FAM193B: variants seen among roughly 807,000 people sequenced by gnomAD.
The protein encoded by FAM193B is family with sequence similarity 193 member B.
Under a neutral mutation model 70.7 loss-of-function variants are expected in FAM193B, and 27 were observed. The observed-to-expected ratio is 0.38, with a 90% CI of 0.28 to 0.53. FAM193B has a LOEUF of 0.53. FAM193B is among the 20% of genes least tolerant of loss of function. The probability of loss-of-function intolerance (pLI) is 0.81; values close to 1 mark genes in which losing one functional copy is unlikely to be tolerated. For synonymous variants in FAM193B, 448 were observed against 436.0 expected (o/e 1.03, Z -0.34); for missense variants, 1,022 against 1,072.5 (o/e 0.95, Z 0.66).
chr5:177,549,612 T>C (rs1448436545), intron 1 of FAM193B, among the ~76,000 whole-genome samples: 2 of 152,252 alleles, frequency 1.3e-5, no homozygotes, highest in Admixed American at 6.5e-5. Context: ...TATCTCCTTC[T>C]AGCATTACTG....
intron 5 of FAM193B, 61 bp from the exon 6 acceptor site, chr5:177,525,266 C>G: frequency 7.3e-7 from 1 of 1,374,260 alleles, no homozygotes; most frequent in Non-Finnish European, 9.5e-7. Flanking sequence ...AATGTGATAC[C>G]TGACCCATCA....
Position 177,531,859 on chromosome 5 carries a change from T to TA in FAM193B, c.1275+583dup, listed in dbSNP as rs1240994378. 8.5e-6 allele frequency: 10 copies of TA among 1,170,780 alleles called. No individual in the cohort carries two copies. In the Admixed American group the frequency reaches 1.1e-4, roughly 13 times the overall value. The allele number at this position is 1,170,780 out of a possible 1,614,324, so 72.5% of individuals were successfully genotyped here. A position where few individuals can be genotyped will look rare whatever the true frequency, so the allele number is the denominator to read the frequency against. ...TTTGTCATCTCTAAAATGAGGATAA[T>TA]AACCCCTAGCTCAAAGGTGACTAGC... On this transcript the variant is annotated intron_variant, in intron 5 of 8. Coordinates refer to ENST00000514747, the MANE Select transcript of FAM193B (RefSeq NM_001190946.3).
At position 177,538,351 on chromosome 5, in the gene FAM193B, G is replaced by A. The variant is rs1375189160; in HGVS notation, c.454-244C>T. Among the ~76,000 whole-genome samples the A allele has an allele frequency of 6.6e-6, 1 of 152,238 alleles. No homozygotes were observed. Among genetic ancestry groups the A allele is most frequent in the Non-Finnish European group, 1.5e-5 (1 of 68,042 alleles). On this transcript the variant is annotated intron_variant, in intron 2 of 8. Transcript: ENST00000514747. This position sits in a 1 kb window ranked among gnomAD's most constrained non-coding sequence, Gnocchi z 4.1. ...GGGGAGAGAGACTCTGGTAGGGGCAGAGACTGCCTGTGAACTGCGGGCCTT... is the reference window on the plus strand; with the variant it reads ...GGGGAGAGAGACTCTGGTAGGGGCAAAGACTGCCTGTGAACTGCGGGCCTT...
chr5:177,521,749 T>C (rs552557163), intron 8 of FAM193B, among the ~76,000 whole-genome samples: 1 of 151,880 alleles, frequency 6.6e-6, no homozygotes, highest in South Asian at 2.1e-4. Context: ...CAGGGAGGAG[T>C]AATAGAACAG....
chr5:177,547,356 C>T (rs1445153711), intron 1 of FAM193B: 3 of 139,752 alleles, frequency 2.1e-5, no homozygotes, highest in Non-Finnish European at 4.5e-5. Context: ...GCGATCTCGA[C>T]TCACTGCAAG....
Position 177,538,714 on chromosome 5 carries a change from C to T in FAM193B, c.453+191G>A, listed in dbSNP as rs911515607. 1.3e-5 allele frequency among the ~76,000 whole-genome samples: 2 copies of T among 152,214 alleles called. No individual in the cohort carries two copies. Among genetic ancestry groups the T allele is most frequent in the Admixed American group, 6.5e-5 (1 of 15,276 alleles). The stretch of plus-strand genomic sequence containing the variant: ...CCACCCTGAGGGACTGACCGGTGGG[C>T]TGCCAGAAGTTTCTCTTCTTCCCCC... On this transcript the variant is annotated intron_variant, in intron 2 of 8. Coordinates refer to ENST00000514747, the MANE Select transcript of FAM193B (RefSeq NM_001190946.3). The surrounding 1 kb of genome is among the most constrained non-coding windows in gnomAD (Gnocchi z 4.1).
chr5:177,531,326 T>C, intron 5 of FAM193B: 1 of 1,357,022 alleles, frequency 7.4e-7, no homozygotes, highest in African/African-American at 1.5e-5. Context: ...GCCCTGGCGC[T>C]GTTGGGGACT....
chr5:177,537,994 GT>G lies in FAM193B; in HGVS notation c.566del (p.Asn189ThrfsTer73). 1 of 1,559,180 alleles carries G rather than the reference GT, an allele frequency of 6.4e-7. No homozygotes were observed. ...SSSSSSSCPG[N>X]SGDWDPSSFL... ...ACGAGCTAGGATCCCAGTCTCCCGA[GT>G]TCCCAGGGCAGGAAGAGGAGGACGA... On this transcript the variant is annotated frameshift_variant, in exon 3 of 9. Transcript: ENST00000514747. LOFTEE classifies it high-confidence loss of function.
Position 177,554,199 on chromosome 5 carries a change from G to A in FAM193B, c.210+50C>T, listed in dbSNP as rs753620757. ...CCCCGCCCCACTCCCGCTCCCGCTC[G>A]GGGAAGGTGAAAGCGCCCGAGCCGC... On this transcript the variant is annotated intron_variant, in intron 1 of 8. Coordinates refer to ENST00000514747, the MANE Select transcript of FAM193B (RefSeq NM_001190946.3). The A allele has an allele frequency of 1.0e-5, 15 of 1,481,668 alleles. No individual in the cohort carries two copies. The African/African-American group carries it at 1.7e-4, about 17-fold the overall frequency. 91.8% of individuals were successfully genotyped at this position (1,481,668 alleles called of 1,614,324 possible). A position where few individuals can be genotyped will look rare whatever the true frequency, so the allele number is the denominator to read the frequency against.
intron 1 of FAM193B, among the ~76,000 whole-genome samples, chr5:177,540,119 A>G (rs571332220): frequency 6.6e-6 from 1 of 152,166 alleles, no homozygotes; most frequent in African/African-American, 2.4e-5. Flanking sequence ...ATCCTGGCTA[A>G]CACAGTGAAA....
At position 177,538,098 on chromosome 5, in the gene FAM193B, A is replaced by G. The variant is rs1322783334; in HGVS notation, c.463T>C (p.Ser155Pro). 1.3e-5 allele frequency: 20 copies of G among 1,540,812 alleles called. No homozygotes were observed. Among genetic ancestry groups the G allele is most frequent in the Non-Finnish European group, 4.4e-6 (5 of 1,137,854 alleles). ...GACTGTGATTTGCAGGATGTGTGTG[A>G]CAAGGAGATCTGGAGAAGGGGGAGG... The part of the protein sequence containing the change: ...GREHAVAISL[S>P]HTSCKSQSCG... Residue 155 changes from serine to proline, a missense_variant, in exon 3 of 9, where the codon TCA becomes CCA. Ser to Pro is a moderately conservative substitution (Grantham distance 74). Transcript: ENST00000514747. This position sits in a 1 kb window ranked among gnomAD's most constrained non-coding sequence, Gnocchi z 4.1.
intron 1 of FAM193B, chr5:177,553,074 C>G: frequency 1.6e-6 from 1 of 612,124 alleles, no homozygotes. Flanking sequence ...GAGGGAGGCA[C>G]AGAGGGCTGT....
chr5:177,548,727 C>T (rs1282095463), intron 1 of FAM193B, among the ~76,000 whole-genome samples: 1 of 152,216 alleles, frequency 6.6e-6, no homozygotes, highest in Non-Finnish European at 1.5e-5. Context: ...GAGGTGGAAT[C>T]AAGCAATCAC....
At chr5:177,534,563 A>G (rs1763953048) in intron 4 of FAM193B, among the ~76,000 whole-genome samples, 1 of 151,962 alleles carries the variant, frequency 6.6e-6, no homozygotes, top group Admixed American at 6.6e-5. Flanking sequence ...CAGCCTCCCA[A>G]AGTGCTGGGA....
At chr5:177,536,818 G>A in intron 3 of FAM193B, 73 bp from the exon 4 acceptor site, 1 of 1,506,198 alleles carries the variant, frequency 6.6e-7, no homozygotes, top group South Asian at 1.3e-5. Context: ...CAGGCTCACT[G>A]CCACAGCATC....
Position 177,538,150 on chromosome 5 carries a change from C to T in FAM193B, c.454-43G>A. The T allele has an allele frequency of 6.7e-7, 1 of 1,499,444 alleles. No homozygotes were observed. The highest frequency in any genetic ancestry group is 9.0e-7 in the Non-Finnish European group (1 of 1,116,888). 92.9% of individuals were successfully genotyped at this position (1,499,444 alleles called of 1,614,324 possible). On this transcript the variant is annotated intron_variant, in intron 2 of 8. Transcript: ENST00000514747. This position sits in a 1 kb window ranked among gnomAD's most constrained non-coding sequence, Gnocchi z 4.1. ...AAAAGGCTCACGGTCAAACAGCAAA[C>T]ATCGGAGCTGACCCTCTGCTGCCTC...
intron 7 of FAM193B, 61 bp from the exon 8 acceptor site, chr5:177,522,132 ACTC>A: frequency 1.5e-6 from 2 of 1,331,680 alleles, no homozygotes; most frequent in Non-Finnish European, 2.1e-6. Context: ...TGCTCACTGG[ACTC>A]CTAAGGTACC....
intron 1 of FAM193B, among the ~76,000 whole-genome samples, chr5:177,539,680 C>G (rs1406588027): frequency 6.6e-6 from 1 of 152,244 alleles, no homozygotes; most frequent in Admixed American, 6.5e-5. Flanking sequence ...TACAGCTAGT[C>G]AGAAAGCATC....
chr5:177,545,129 C>T (rs1186839670), intron 1 of FAM193B, among the ~76,000 whole-genome samples: 1 of 152,064 alleles, frequency 6.6e-6, no homozygotes, highest in Non-Finnish European at 1.5e-5. Flanking sequence ...CTGCAACCTC[C>T]ACCTCCCATG....
Sources: gnomAD v4.1 joint callset for allele counts (sites outside exome capture counted in the v4.1 genomes callset) on GRCh38, gnomAD v4.1.1 for gene constraint, Gnocchi (gnomAD v3.1) non-coding constraint, MANE v1.5 for transcripts, NCBI Gene and HGNC (gene_info 2026-07-23, HGNC 2026-07-21) for gene names.